Variants in KCNN2 observed in about 807,000 individuals in gnomAD.
KCNN2 encodes the protein potassium calcium-activated channel subfamily N member 2.
KCNN2 carries 24 observed loss-of-function variants against 55.5 expected under a neutral mutation model. That is an observed-to-expected ratio of 0.43 (90% CI 0.31 to 0.61). The LOEUF (loss-of-function observed/expected upper bound fraction) is 0.61, where lower values mean the gene tolerates loss of function less well. KCNN2 is among the 20% of genes least tolerant of loss of function. The pLI is 0.08. For missense variants in KCNN2, 754 were observed against 853.6 expected, an observed-to-expected ratio of 0.88 and a Z score of 1.45; for synonymous variants, 431 against 336.1, an observed-to-expected ratio of 1.28 and a Z score of -3.09.
At chr5:114,216,506 A>G (rs1754003854) in intron 1 of KCNN2, among the ~76,000 whole-genome samples, 1 of 152,182 alleles carries the variant, frequency 6.6e-6, no homozygotes. Flanking sequence ...ATGTAAAGGT[A>G]AATTTATGAG....
chr5:114,247,293 A>C (rs549733929), intron 2 of KCNN2, among the ~76,000 whole-genome samples: 6 of 151,734 alleles, frequency 4.0e-5, no homozygotes, highest in African/African-American at 1.4e-4. Context: ...TGTAACAGAC[A>C]GTTTTCTACA....
At chr5:114,303,483 G>T (rs1323167096) in intron 2 of KCNN2, among the ~76,000 whole-genome samples, 3 of 152,156 alleles carry the variant, frequency 2.0e-5, no homozygotes, top group Non-Finnish European at 4.4e-5. Flanking sequence ...GTGAAAATTG[G>T]TTTATAAAGG....
intron 1 of KCNN2, among the ~76,000 whole-genome samples, chr5:114,216,353 G>T (rs1754001167): frequency 6.6e-6 from 1 of 152,148 alleles, no homozygotes; most frequent in Non-Finnish European, 1.5e-5. Flanking sequence ...ATGCTTAATT[G>T]ATTTGAATCA....
chr5:114,423,615 T>C (rs534290816), intron 3 of KCNN2, among the ~76,000 whole-genome samples: 88 of 152,310 alleles, frequency 5.8e-4, no homozygotes, highest in Non-Finnish European at 1.0e-3. Flanking sequence ...AATATATATA[T>C]TGGCATTTCT....
intron 3 of KCNN2, among the ~76,000 whole-genome samples, chr5:114,406,130 C>G (rs1184140933): frequency 6.6e-6 from 1 of 150,786 alleles, no homozygotes; most frequent in East Asian, 1.9e-4. Context: ...GTAGTGAACC[C>G]TGACCACCCC....
At position 114,140,673 on chromosome 5, in the gene KCNN2, T is replaced by C. The variant is rs183209058; in HGVS notation, c.-270-80807T>C. On this transcript the variant is annotated intron_variant, in intron 1 of 10. Coordinates refer to the KCNN2 transcript ENST00000512097. The stretch of plus-strand genomic sequence containing the variant: ...AATTAGGATTTGGTTTTTTTCTATG[T>C]ATTTATCAATGGCTATCAAAATATA... Among the ~76,000 whole-genome samples, 216 of 151,740 alleles carry C rather than the reference T, an allele frequency of 1.4e-3. 1 individual carries two copies. Among genetic ancestry groups the C allele is most frequent in the African/African-American group, 5.1e-3 (213 of 41,468 alleles).
intron 1 of KCNN2, among the ~76,000 whole-genome samples, chr5:114,130,887 C>T (rs891165018): frequency 5.9e-5 from 9 of 152,118 alleles, no homozygotes; most frequent in Non-Finnish European, 8.8e-5. Context: ...CAAAAAAGCT[C>T]GGTGCTTTCA....
intron 3 of KCNN2, among the ~76,000 whole-genome samples, chr5:114,439,366 A>C (rs1028353178): frequency 5.3e-5 from 8 of 151,348 alleles, no homozygotes; most frequent in African/African-American, 1.7e-4. Context: ...ATATAATCTC[A>C]CACCCCACTG....
chr5:114,458,248 G>T (rs1761019434), intron 3 of KCNN2, among the ~76,000 whole-genome samples: 3 of 152,164 alleles, frequency 2.0e-5, no homozygotes, highest in Admixed American at 6.5e-5. Flanking sequence ...TTTGAGATGA[G>T]ATTTTTTTTC....
chr5:114,160,387 A>G (rs935540225), intron 1 of KCNN2, among the ~76,000 whole-genome samples: 29 of 151,982 alleles, frequency 1.9e-4, no homozygotes, highest in African/African-American at 6.8e-4. Flanking sequence ...TATAATTTCT[A>G]TTCTTTTACA....
At chr5:114,378,381 A>G in intron 2 of KCNN2, among the ~76,000 whole-genome samples, 1 of 152,216 alleles carries the variant, frequency 6.6e-6, no homozygotes, top group South Asian at 2.1e-4. Context: ...AGGCAAGAAG[A>G]AACATGGCTG....
intron 2 of KCNN2, among the ~76,000 whole-genome samples, chr5:114,309,617 T>C (rs144114586): frequency 1.9e-4 from 29 of 152,296 alleles, no homozygotes; most frequent in Admixed American, 1.7e-3. Context: ...AGTCATTAAT[T>C]CATTTGTCAG....
At position 114,279,462 on chromosome 5, in the gene KCNN2, C is replaced by A. The variant is rs1012457980; in HGVS notation, c.-185+57897C>A. Among the ~76,000 whole-genome samples, 30 of 152,250 alleles carry A rather than the reference C, an allele frequency of 2.0e-4. 1 individual carries two copies. Among genetic ancestry groups the A allele is most frequent in the Admixed American group, 2.6e-4 (4 of 15,286 alleles). On this transcript the variant is annotated intron_variant, in intron 2 of 10. Coordinates refer to the KCNN2 transcript ENST00000512097. ...CTATCCCTCCCTGCTCCCCCCACCCCACAACAGGCCCCAGTGTGTGGTGTT... is the reference window on the plus strand; with the variant it reads ...CTATCCCTCCCTGCTCCCCCCACCCAACAACAGGCCCCAGTGTGTGGTGTT...
At chr5:114,180,124 CG>C (rs1753210978) in intron 1 of KCNN2, among the ~76,000 whole-genome samples, 1 of 152,128 alleles carries the variant, frequency 6.6e-6, no homozygotes, top group Admixed American at 6.5e-5. Flanking sequence ...ATAAGTTAAA[CG>C]TTCAATAATG....
At chr5:114,148,658 C>G (rs951905307) in intron 1 of KCNN2, among the ~76,000 whole-genome samples, 2 of 152,034 alleles carry the variant, frequency 1.3e-5, no homozygotes, top group African/African-American at 4.8e-5. Flanking sequence ...AGAAACAGGC[C>G]ATTCAGATGA....
At chr5:114,093,611 A>G (rs972651099) in intron 1 of KCNN2, among the ~76,000 whole-genome samples, 2 of 152,204 alleles carry the variant, frequency 1.3e-5, no homozygotes, top group African/African-American at 4.8e-5. Context: ...TGGCAGGGGA[A>G]GTCTCAGGAA....
chr5:114,186,161 C>A (rs1264996535), intron 1 of KCNN2, among the ~76,000 whole-genome samples: 1 of 152,112 alleles, frequency 6.6e-6, no homozygotes, highest in African/African-American at 2.4e-5. Context: ...TGGAAAATTA[C>A]ACTTTATTTC....
chr5:114,064,751 A>G (rs564208980), intron 1 of KCNN2, among the ~76,000 whole-genome samples: 2 of 152,334 alleles, frequency 1.3e-5, no homozygotes, highest in South Asian at 2.1e-4. Flanking sequence ...TCCTGTAAAA[A>G]CAAGGAATGT....
At chr5:114,266,923 T>C (rs1406511919) in intron 2 of KCNN2, among the ~76,000 whole-genome samples, 2 of 152,068 alleles carry the variant, frequency 1.3e-5, no homozygotes, top group African/African-American at 4.8e-5. Context: ...AAGTCCATTT[T>C]CTAACAACCC....
Sources: gnomAD v4.1 joint callset for allele counts (sites outside exome capture counted in the v4.1 genomes callset) on GRCh38, gnomAD v4.1.1 for gene constraint, MANE v1.5 for transcripts, NCBI Gene and HGNC (gene_info 2026-07-23, HGNC 2026-07-21) for gene names.